The following RABGAP1 variants were observed in gnomAD, a reference collection of about 807,000 sequenced individuals.
RABGAP1 encodes the protein RAB GTPase activating protein 1.
RABGAP1 carries 23 observed loss-of-function variants against 137.6 expected under a neutral mutation model. That is an observed-to-expected ratio of 0.17 (90% CI 0.12 to 0.24). RABGAP1 has a LOEUF of 0.24. RABGAP1 is among the 10% of genes least tolerant of loss of function. The probability of loss-of-function intolerance (pLI) is 1.00; values close to 1 mark genes in which losing one functional copy is unlikely to be tolerated. For synonymous variants in RABGAP1, 451 were observed against 450.7 expected, an observed-to-expected ratio of 1.00 and a Z score of -0.01; for missense variants, 906 against 1,275.8, an observed-to-expected ratio of 0.71 and a Z score of 4.42.
At position 122,998,632 on chromosome 9, in the gene RABGAP1, G is replaced by A. The variant is rs982430935; in HGVS notation, c.1240G>A (p.Val414Ile). ...VLFMTTAVDL[V>I]ITEVQEPVRF... Reference sequence around the variant, plus strand: ...GTTTATGACCACAGCTGTAGATTTGGTAATAACAGAAGTACAGGAGCCTGT... The same window carrying A: ...GTTTATGACCACAGCTGTAGATTTGATAATAACAGAAGTACAGGAGCCTGT... Residue 414 changes from valine to isoleucine, a missense_variant, in exon 10 of 26, where the codon GTA (valine) becomes ATA (isoleucine). Transcript: ENST00000373647. The A allele has an allele frequency of 3.7e-6, 6 of 1,609,654 alleles. No individual in the cohort carries two copies. The highest frequency in any genetic ancestry group is 3.3e-5 in the Admixed American group (2 of 59,822).
chr9:122,989,610 TG>T, intron 5 of RABGAP1, 139 bp downstream of exon 5: 1 of 872,294 alleles, frequency 1.1e-6, no homozygotes, highest in African/African-American at 1.7e-5. Context: ...TCTAGCCTCA[TG>T]GGCCAAAATA....
chr9:122,931,873 C>A, the RABGAP1 span, among the ~76,000 whole-genome samples: 1 of 152,244 alleles, frequency 6.6e-6, no homozygotes, highest in African/African-American at 2.4e-5. Context: ...TGCACTTAAA[C>A]TTTGGTAAGT....
chr9:122,954,871 A>C (rs573921955), intron 1 of RABGAP1, among the ~76,000 whole-genome samples: 41 of 152,308 alleles, frequency 2.7e-4, no homozygotes, highest in African/African-American at 7.2e-4. Flanking sequence ...AACAAGTTAC[A>C]CCATCTCTCT....
At chr9:123,031,241 G>A (rs1370536200) in intron 13 of RABGAP1, among the ~76,000 whole-genome samples, 5 of 152,118 alleles carry the variant, frequency 3.3e-5, no homozygotes, top group East Asian at 1.9e-4. Context: ...TTTGACTTTG[G>A]TGAACACTTT....
At chr9:122,932,959 A>G in the RABGAP1 span, among the ~76,000 whole-genome samples, 1 of 152,226 alleles carries the variant, frequency 6.6e-6, no homozygotes, top group African/African-American at 2.4e-5. Context: ...ACTTTGTATG[A>G]TATCTATCTT....
At chr9:122,978,472 T>C (rs1052327587) in intron 2 of RABGAP1, among the ~76,000 whole-genome samples, 7 of 152,190 alleles carry the variant, frequency 4.6e-5, no homozygotes, top group Non-Finnish European at 8.8e-5. Context: ...TTATGAATAA[T>C]GCATTAACAT....
Position 122,997,281 on chromosome 9 carries a change from A to G in RABGAP1, c.1124A>G (p.Asp375Gly). The part of the protein sequence containing the change: ...LDLESMGKSS[D>G]GKSYVITGSW... The stretch of plus-strand genomic sequence containing the variant: ...TAGGAATCTATGGGCAAAAGTTCAG[A>G]TGGAAAGTCGTATGTTATTACGGGG... Residue 375 changes from aspartate to glycine, a missense_variant, in exon 9 of 26, where the codon GAT becomes GGT. Transcript: ENST00000373647. The G allele has an allele frequency of 6.2e-7, 1 of 1,606,486 alleles. No individual in the cohort carries two copies.
chr9:123,044,596 C>T (rs546225985), intron 13 of RABGAP1, among the ~76,000 whole-genome samples: 42 of 151,038 alleles, frequency 2.8e-4, no homozygotes, highest in Middle Eastern at 3.4e-3. Context: ...TCTTTGACAT[C>T]GTGGGAAGGA....
At chr9:122,943,047 A>C (rs1373022033) in intron 1 of RABGAP1, among the ~76,000 whole-genome samples, 1 of 149,404 alleles carries the variant, frequency 6.7e-6, no homozygotes, top group Admixed American at 6.7e-5. Flanking sequence ...AAAATCTGAG[A>C]TATAGTCATG....
intron 11 of RABGAP1, among the ~76,000 whole-genome samples, chr9:123,011,517 A>C (rs569854324): frequency 2.0e-5 from 3 of 152,294 alleles, no homozygotes; most frequent in South Asian, 2.1e-4. Context: ...TCCAATACCT[A>C]CTGTTTGCTA....
rs760822352 is a variant in RABGAP1, at chr9:123,099,475, T to C, written c.2818-3T>C. The C allele has an allele frequency of 2.0e-5, 32 of 1,607,810 alleles. No homozygotes were observed. The highest frequency in any genetic ancestry group is 2.6e-5 in the Non-Finnish European group (30 of 1,174,532). ...GATTGTTGTTTTATATTTGTTTCTT[T>C]AGATTTGTTCTCAGTTGAGTGAAAG... On this transcript the variant is annotated splice_polypyrimidine_tract_variant and splice_region_variant and intron_variant, in intron 23 of 25. Transcript: ENST00000373647.
chr9:123,072,727 T>G (rs2034394294), intron 15 of RABGAP1, among the ~76,000 whole-genome samples: 1 of 152,238 alleles, frequency 6.6e-6, no homozygotes, highest in South Asian at 2.1e-4. Flanking sequence ...TTCTCACTTA[T>G]TACTTAATCT....
chr9:123,023,208 T>C (rs1374788537), intron 13 of RABGAP1, among the ~76,000 whole-genome samples: 1 of 152,036 alleles, frequency 6.6e-6, no homozygotes, highest in Non-Finnish European at 1.5e-5. Flanking sequence ...GGAGATGGAG[T>C]CTTGCCCTGT....
chr9:122,933,073 A>G, the RABGAP1 span, among the ~76,000 whole-genome samples: 1 of 152,144 alleles, frequency 6.6e-6, no homozygotes, highest in African/African-American at 2.4e-5. Flanking sequence ...AATGTTCTGT[A>G]TATGTCTTTT....
At chr9:123,065,961 C>T (rs1185708519) in intron 14 of RABGAP1, among the ~76,000 whole-genome samples, 7 of 152,118 alleles carry the variant, frequency 4.6e-5, no homozygotes, top group African/African-American at 9.7e-5. Context: ...GTTCAATTTC[C>T]GTATTCCATT....
upstream of RABGAP1, among the ~76,000 whole-genome samples, chr9:122,936,239 C>T (rs1015100427): frequency 1.3e-5 from 2 of 152,192 alleles, no homozygotes; most frequent in Non-Finnish European, 2.9e-5. Flanking sequence ...TCCTTTGGAA[C>T]TCCCACAATT....
chr9:122,969,778 T>C (rs1413228012), intron 2 of RABGAP1, among the ~76,000 whole-genome samples: 3 of 152,088 alleles, frequency 2.0e-5, no homozygotes, highest in African/African-American at 7.2e-5. Context: ...GTTGCCCAGA[T>C]TAGTCTCAAA....
chr9:122,998,609 T>A lies in RABGAP1; in HGVS notation c.1217T>A (p.Phe406Tyr). The stretch of plus-strand genomic sequence containing the variant: ...TTTCTTTGTTTAGATAAAGTCCTGT[T>A]TATGACCACAGCTGTAGATTTGGTA... ...NEETPKDKVL[F>Y]MTTAVDLVIT... Residue 406 changes from phenylalanine (F) to tyrosine (Y), a missense_variant, in exon 10 of 26, where the codon TTT becomes TAT. Physicochemically the swap from Phe to Tyr is conservative, Grantham distance 22 (BLOSUM62 3). Around this residue, in one of 9 missense-constraint regions of RABGAP1, gnomAD observed 212 missense variants for 289.4 expected, o/e 0.73. Coordinates refer to ENST00000373647, the MANE Select transcript of RABGAP1 (RefSeq NM_012197.4). 6.3e-7 allele frequency: 1 copy of A among 1,597,850 alleles called. No homozygotes were observed. Among genetic ancestry groups the A allele is most frequent in the South Asian group, 1.1e-5 (1 of 88,562 alleles).
chr9:123,068,777 TA>T (rs565646867), intron 14 of RABGAP1, among the ~76,000 whole-genome samples: 1 of 152,244 alleles, frequency 6.6e-6, no homozygotes, highest in Non-Finnish European at 1.5e-5. Flanking sequence ...TATGTATTTT[TA>T]AAAGCTATAG....
Sources: gnomAD v4.1 joint callset for allele counts (sites outside exome capture counted in the v4.1 genomes callset) on GRCh38, gnomAD v4.1.1 for gene constraint, gnomAD v4.1.1 regional missense constraint, MANE v1.5 for transcripts, NCBI Gene and HGNC (gene_info 2026-07-23, HGNC 2026-07-21) for gene names.